Variants in DDAH1 observed in about 807,000 individuals in gnomAD.
The protein encoded by DDAH1 is N(G),N(G)-dimethylarginine dimethylaminohydrolase 1.
A neutral mutation model predicts 28.8 loss-of-function variants in DDAH1; 19 were observed. The ratio of observed to expected loss-of-function variants is 0.66; its 90% CI spans 0.46 to 0.97. The LOEUF is 0.97. Among genes scored for constraint, DDAH1 ranks in the 50% least tolerant of loss-of-function variants. The probability of loss-of-function intolerance (pLI) is 0.00; values close to 1 mark genes in which losing one functional copy is unlikely to be tolerated. For synonymous variants in DDAH1, 153 were observed against 154.4 expected (o/e 0.99, Z 0.07); for missense variants, 326 against 375.9 (o/e 0.87, Z 1.10).
intron 1 of DDAH1, among the ~76,000 whole-genome samples, chr1:85,537,939 G>A (rs1658345836): frequency 6.6e-6 from 1 of 151,926 alleles, no homozygotes; most frequent in Non-Finnish European, 1.5e-5. Context: ...TTTGTCCTTG[G>A]TAAAGCCAAT....
chr1:85,475,587 A>G (rs1220276057), intron 2 of DDAH1, among the ~76,000 whole-genome samples: 1 of 152,216 alleles, frequency 6.6e-6, no homozygotes, highest in African/African-American at 2.4e-5. Flanking sequence ...AATATGTTTG[A>G]CAATGTATAG....
intron 1 of DDAH1, among the ~76,000 whole-genome samples, chr1:85,418,279 G>A (rs1652974569): frequency 6.6e-6 from 1 of 152,140 alleles, no homozygotes; most frequent in Non-Finnish European, 1.5e-5. Context: ...ACAATTCAGG[G>A]TCTCTCTACA....
intron 1 of DDAH1, among the ~76,000 whole-genome samples, chr1:85,387,312 T>A (rs1462792098): frequency 6.6e-6 from 1 of 152,168 alleles, no homozygotes; most frequent in African/African-American, 2.4e-5. Flanking sequence ...TTAAGCTCAT[T>A]CCTTTGCTCC....
chr1:85,497,715 C>T (rs543099217), intron 1 of DDAH1, among the ~76,000 whole-genome samples: 238 of 152,262 alleles, frequency 1.6e-3, no homozygotes, highest in Non-Finnish European at 2.6e-3. Flanking sequence ...AAATACAATA[C>T]TTGCAGATTT....
intron 1 of DDAH1, among the ~76,000 whole-genome samples, chr1:85,551,024 T>C (rs1184147197): frequency 6.6e-6 from 1 of 152,212 alleles, no homozygotes; most frequent in Non-Finnish European, 1.5e-5. Flanking sequence ...GCTTAGTCTA[T>C]GTATAAGCTG....
intron 2 of DDAH1, among the ~76,000 whole-genome samples, chr1:85,352,279 GGTGA>G (rs1649258478): frequency 6.6e-6 from 1 of 152,082 alleles, no homozygotes; most frequent in East Asian, 1.9e-4. Context: ...GGTGTGTGTG[GGTGA>G]GTGTGCTGTG....
chr1:85,349,449 C>G (rs1649066870), intron 4 of DDAH1, among the ~76,000 whole-genome samples: 1 of 148,784 alleles, frequency 6.7e-6, no homozygotes, highest in Admixed American at 6.6e-5. Context: ...GATTTGCTGT[C>G]TATGACTAAG....
intron 1 of DDAH1, among the ~76,000 whole-genome samples, chr1:85,388,536 A>T (rs980017973): frequency 1.3e-5 from 2 of 152,168 alleles, no homozygotes; most frequent in African/African-American, 2.4e-5. Context: ...CAACACACTA[A>T]ATTTGCCTCA....
chr1:85,423,674 T>C (rs761537766), intron 1 of DDAH1, among the ~76,000 whole-genome samples: 9 of 152,250 alleles, frequency 5.9e-5, no homozygotes, highest in Non-Finnish European at 1.0e-4. Context: ...TTATTAGTTC[T>C]AGAAGTTGTG....
At chr1:85,411,729 C>T (rs1007430970) in intron 1 of DDAH1, among the ~76,000 whole-genome samples, 2 of 152,190 alleles carry the variant, frequency 1.3e-5, no homozygotes, top group Admixed American at 6.5e-5. Context: ...TGAAGGTAAA[C>T]GCTGTGTTTC....
At chr1:85,556,221 T>C (rs1473009111) in intron 1 of DDAH1, among the ~76,000 whole-genome samples, 1 of 152,092 alleles carries the variant, frequency 6.6e-6, no homozygotes, top group Non-Finnish European at 1.5e-5. Context: ...GGTTCTTTGA[T>C]CTCTTACTCT....
intron 1 of DDAH1, among the ~76,000 whole-genome samples, chr1:85,527,267 C>T (rs559774374): frequency 6.6e-6 from 1 of 152,258 alleles, no homozygotes; most frequent in East Asian, 1.9e-4. Context: ...GCAAGTCTTT[C>T]AGAGGAGAGG....
chr1:85,552,220 C>T (rs915605158), intron 1 of DDAH1, among the ~76,000 whole-genome samples: 5 of 152,190 alleles, frequency 3.3e-5, no homozygotes, highest in Non-Finnish European at 5.9e-5. Context: ...CCTTTCCATT[C>T]ACCTGGATAC....
At chr1:85,368,249 T>A (rs1362125926) in intron 1 of DDAH1, among the ~76,000 whole-genome samples, 1 of 152,160 alleles carries the variant, frequency 6.6e-6, no homozygotes, top group Non-Finnish European at 1.5e-5. Context: ...ACACTCTTCA[T>A]CTCTGAACCA....
intron 1 of DDAH1, among the ~76,000 whole-genome samples, chr1:85,441,395 G>C (rs1008975249): frequency 3.3e-5 from 5 of 152,120 alleles, no homozygotes; most frequent in African/African-American, 1.2e-4. Context: ...CAAAAACTTA[G>C]CTGGGCGTGG....
chr1:85,436,204 T>A (rs3851268), intron 1 of DDAH1, among the ~76,000 whole-genome samples: 20,124 of 152,068 alleles, frequency 0.13, 1,611 homozygotes, highest in South Asian at 0.29. Context: ...AGGCCAGGCA[T>A]GGTGGCTAAT....
intron 1 of DDAH1, among the ~76,000 whole-genome samples, chr1:85,398,097 C>T (rs890742205): frequency 1.3e-5 from 2 of 151,552 alleles, no homozygotes; most frequent in Admixed American, 6.6e-5. Context: ...GTTGTCACTT[C>T]CTGGCAGGCC....
At chr1:85,457,883 G>A (rs1043779988) in intron 1 of DDAH1, among the ~76,000 whole-genome samples, 3 of 152,098 alleles carry the variant, frequency 2.0e-5, no homozygotes, top group Non-Finnish European at 2.9e-5. Flanking sequence ...AGAGATGGGG[G>A]TTTCACCATG....
chr1:85,366,342 A>G (rs1650074947), intron 1 of DDAH1, among the ~76,000 whole-genome samples: 1 of 152,216 alleles, frequency 6.6e-6, no homozygotes, highest in African/African-American at 2.4e-5. Flanking sequence ...TTTTACATGA[A>G]TAAGATCTCT....
Sources: gnomAD v4.1 joint callset for allele counts (sites outside exome capture counted in the v4.1 genomes callset) on GRCh38, gnomAD v4.1.1 for gene constraint, MANE v1.5 for transcripts, NCBI Gene and HGNC (gene_info 2026-07-23, HGNC 2026-07-21) for gene names.